The following HIPK2 variants were observed in gnomAD, a reference collection of about 807,000 sequenced individuals.
HIPK2 encodes the protein homeodomain-interacting protein kinase 2.
In HIPK2, 27 loss-of-function variants were observed where a neutral mutation model predicts 113.7. The observed-to-expected ratio is 0.24, with a 90% confidence interval of 0.17 to 0.33. HIPK2 has a LOEUF of 0.33. HIPK2 is among the 10% of genes least tolerant of loss of function. HIPK2 has a pLI of 1.00. For synonymous variants in HIPK2, 631 were observed against 642.2 expected, an observed-to-expected ratio of 0.98 and a Z score of 0.26; for missense variants, 1,257 against 1,588.0, an observed-to-expected ratio of 0.79 and a Z score of 3.54.
In HIPK2 at chr7:139,716,414, T is replaced by C. The variant is rs1405182899; in HGVS notation, c.621A>G (p.Arg207=). The change falls in exon 2 of 15, where the codon CGA becomes CGG. Residue 207 remains arginine, a synonymous_variant. Coordinates refer to ENST00000406875, the MANE Select transcript of HIPK2 (RefSeq NM_022740.5). The surrounding 1 kb of genome is among the most constrained non-coding windows in gnomAD (Gnocchi z 9.3). The part of the protein sequence containing the change: ...NTYEVLEFLG[R]GTFGQVVKCW... ...ACTTGACCACTTGCCCAAACGTCCC[T>C]CGGCCCAAGAACTCTAAGACCTCGT... 3 of 1,613,856 alleles carry C rather than the reference T, an allele frequency of 1.9e-6. No individual in the cohort carries two copies. Among genetic ancestry groups the C allele is most frequent in the Non-Finnish European group, 2.5e-6 (3 of 1,179,920 alleles).
intron 13 of HIPK2, among the ~76,000 whole-genome samples, chr7:139,577,882 GCT>G (rs1410009421): frequency 6.6e-6 from 1 of 151,958 alleles, no homozygotes; most frequent in African/African-American, 2.4e-5. Flanking sequence ...ATGGAGTCTT[GCT>G]CTGTCTCCCA....
intron 1 of HIPK2, among the ~76,000 whole-genome samples, chr7:139,717,963 C>T (rs938848238): frequency 4.6e-5 from 7 of 152,058 alleles, no homozygotes; most frequent in Non-Finnish European, 1.0e-4. Context: ...AGCCTGGTCT[C>T]AAACTCCTGA....
chr7:139,672,044 G>T (rs1585359856), intron 2 of HIPK2, among the ~76,000 whole-genome samples: 1 of 151,358 alleles, frequency 6.6e-6, no homozygotes, highest in Non-Finnish European at 1.5e-5. Context: ...TTTTATAAAA[G>T]ATTTTTATGA....
At chr7:139,653,554 A>T (rs1284904601) in intron 2 of HIPK2, among the ~76,000 whole-genome samples, 3 of 151,730 alleles carry the variant, frequency 2.0e-5, no homozygotes, top group African/African-American at 7.3e-5. Flanking sequence ...ACAGGTGATA[A>T]GTGAGCAAAG....
intron 2 of HIPK2, among the ~76,000 whole-genome samples, chr7:139,699,807 G>C (rs1794657537): frequency 1.3e-5 from 2 of 152,214 alleles, no homozygotes; most frequent in African/African-American, 4.8e-5. Flanking sequence ...ACAGCACTGG[G>C]TCACAATCTG....
chr7:139,743,626 T>C (rs1213021062), intron 1 of HIPK2, among the ~76,000 whole-genome samples: 3 of 152,184 alleles, frequency 2.0e-5, no homozygotes, highest in African/African-American at 7.2e-5. Context: ...GCCACTGCCC[T>C]GTGGATTCAG....
chr7:139,674,644 G>C (rs576257425), intron 2 of HIPK2, among the ~76,000 whole-genome samples: 7 of 152,126 alleles, frequency 4.6e-5, no homozygotes, highest in Non-Finnish European at 1.0e-4. Flanking sequence ...TCCTTTCCAC[G>C]AAAGGAAGAA....
chr7:139,723,489 C>T (rs182140052), intron 1 of HIPK2, among the ~76,000 whole-genome samples: 1 of 152,302 alleles, frequency 6.6e-6, no homozygotes, highest in African/African-American at 2.4e-5. Flanking sequence ...CCACTGCACC[C>T]AGCCAACTCA....
At chr7:139,660,293 TTTG>T (rs746119400) in intron 2 of HIPK2, among the ~76,000 whole-genome samples, 5 of 141,108 alleles carry the variant, frequency 3.5e-5, no homozygotes, top group Non-Finnish European at 6.1e-5. Flanking sequence ...CAACCAATTT[TTTG>T]TTGTTGTTGT....
At chr7:139,704,201 ACACACACAC>A (rs1794815868) in intron 2 of HIPK2, among the ~76,000 whole-genome samples, 1 of 116,376 alleles carries the variant, frequency 8.6e-6, no homozygotes, top group Admixed American at 9.7e-5. Flanking sequence ...TACACACCCA[ACACACACAC>A]CACACCCAAC....
chr7:139,574,216 A>G (rs1441231536), intron 14 of HIPK2, among the ~76,000 whole-genome samples: 1 of 151,994 alleles, frequency 6.6e-6, no homozygotes, highest in Non-Finnish European at 1.5e-5. Context: ...TCTACAAAAA[A>G]TTTTGAAAAT....
intron 7 of HIPK2, among the ~76,000 whole-genome samples, chr7:139,618,268 A>G (rs1043093541): frequency 9.9e-5 from 15 of 152,268 alleles, no homozygotes; most frequent in African/African-American, 2.9e-4. Flanking sequence ...ATGTTATTTA[A>G]TAACAACAGT....
At position 139,630,391 on chromosome 7, in the gene HIPK2, G is replaced by A. The variant is rs909253704; in HGVS notation, c.1347+774C>T. 6.6e-5 allele frequency among the ~76,000 whole-genome samples: 10 copies of A among 151,852 alleles called. No individual in the cohort carries two copies. The highest frequency in any genetic ancestry group is 2.4e-4 in the African/African-American group (10 of 41,344). The stretch of plus-strand genomic sequence containing the variant: ...CCACACTTCTATACTGGGCAAACCC[G>A]CTTCATTCTTCCTTTTCTTTTTTTG... On this transcript the variant is annotated intron_variant, in intron 4 of 14. Transcript: ENST00000406875. The surrounding 1 kb of genome is among the most constrained non-coding windows in gnomAD (Gnocchi z 4.0).
In HIPK2 at chr7:139,561,637, A is replaced by G. The variant is rs1440619574; in HGVS notation, c.*11290T>C. On this transcript the variant is annotated 3_prime_UTR_variant, in exon 15 of 15. Transcript: ENST00000406875. ...GTGATTACATTTCTACACATATACAATATGCATATGTGAGTTTACAAATTT... is the reference window on the plus strand; with the variant it reads ...GTGATTACATTTCTACACATATACAGTATGCATATGTGAGTTTACAAATTT... 1 of 152,160 alleles carries G rather than the reference A, an allele frequency of 6.6e-6. No homozygotes were observed. Among genetic ancestry groups the G allele is most frequent in the Non-Finnish European group, 1.5e-5 (1 of 68,022 alleles). The allele number at this position is 152,160 out of a possible 1,614,324, so 9.4% of individuals were successfully genotyped here.
At chr7:139,775,775 C>T (rs1034194675) in intron 1 of HIPK2, among the ~76,000 whole-genome samples, 1 of 152,146 alleles carries the variant, frequency 6.6e-6, no homozygotes, top group Non-Finnish European at 1.5e-5. Context: ...GTCTCAGCCT[C>T]GGGGGCATGG....
chr7:139,716,863 G>T lies in HIPK2; in HGVS notation c.172C>A (p.Pro58Thr). 1 of 1,613,846 alleles carries T rather than the reference G, an allele frequency of 6.2e-7. No individual in the cohort carries two copies. The highest frequency in any genetic ancestry group is 2.2e-5 in the East Asian group (1 of 44,864). ...GTTGTGGTGGCTGGCTGCGACAGGG[G>T]GATGTTCTTGCTCTGGCTATACACT... ...SKVYSQSKNI[P>T]LSQPATTTVS... Residue 58 changes from proline (P) to threonine (T), a missense_variant, in exon 2 of 15, where the codon CCC becomes ACC. Around this residue, in one of 5 missense-constraint regions of HIPK2, gnomAD observed 209 missense variants for 237.8 expected, o/e 0.88. Transcript: ENST00000406875. This position sits in a 1 kb window ranked among gnomAD's most constrained non-coding sequence, Gnocchi z 9.3.
At chr7:139,666,333 G>T (rs1802048273) in intron 2 of HIPK2, among the ~76,000 whole-genome samples, 1 of 152,224 alleles carries the variant, frequency 6.6e-6, no homozygotes, top group Non-Finnish European at 1.5e-5. Context: ...AGCAGGGGCT[G>T]CCGTGGTGTG....
chr7:139,768,468 A>G (rs1215503014), intron 1 of HIPK2, among the ~76,000 whole-genome samples: 1 of 152,154 alleles, frequency 6.6e-6, no homozygotes, highest in Non-Finnish European at 1.5e-5. Context: ...AAGCTGCTTA[A>G]TGACTTAAAA....
intron 6 of HIPK2, among the ~76,000 whole-genome samples, chr7:139,625,527 C>T (rs1001613048): frequency 2.6e-5 from 4 of 152,204 alleles, no homozygotes; most frequent in Non-Finnish European, 5.9e-5. Flanking sequence ...GACTGGATGC[C>T]TCACTGTCTC....
Sources: allele counts gnomAD v4.1 joint callset (sites outside exome capture counted in the v4.1 genomes callset), GRCh38; gene constraint gnomAD v4.1.1; regional missense constraint gnomAD v4.1.1; non-coding constraint Gnocchi (gnomAD v3.1); transcripts MANE v1.5; gene names NCBI Gene and HGNC (gene_info 2026-07-23, HGNC 2026-07-21).